The following ADAMTS18 variants were observed in gnomAD, a reference collection of about 807,000 sequenced individuals.
ADAMTS18 encodes ADAM metallopeptidase with thrombospondin type 1 motif 18, also known as A disintegrin and metalloproteinase with thrombospondin motifs 18.
ADAMTS18 carries 157 observed loss-of-function variants against 165.9 expected under a neutral mutation model. The ratio of observed to expected loss-of-function variants is 0.95; its 90% CI spans 0.83 to 1.08. The LOEUF is 1.08. Ranked by LOEUF, ADAMTS18 falls within the 50% of genes least tolerant of loss-of-function variation. ADAMTS18 has a pLI of 0.00. For missense variants in ADAMTS18, 2,040 were observed against 1,534.0 expected, an observed-to-expected ratio of 1.33 and a Z score of -5.51; for synonymous variants, 782 against 578.2, an observed-to-expected ratio of 1.35 and a Z score of -5.06.
At chr16:77,398,658 A>C (rs1175834560) in intron 3 of ADAMTS18, among the ~76,000 whole-genome samples, 1 of 152,138 alleles carries the variant, frequency 6.6e-6, no homozygotes, top group Non-Finnish European at 1.5e-5. Flanking sequence ...CTGTCAGTGC[A>C]TTCATTACAG....
chr16:77,367,678 A>G lies in ADAMTS18; in HGVS notation c.541T>C (p.Leu181=), dbSNP rs1298497415. ...TRKNEFLISP[L]PQLLAQEHNY... ...TGTTCCTGGGCCAGAAGCTGAGGTA[A>G]TGGCGAGATGAGGAATTCATTTTTT... The change falls in exon 4 of 23, where the codon TTA becomes CTA. Residue 181 remains leucine, a synonymous_variant. Coordinates refer to ENST00000282849, the MANE Select transcript of ADAMTS18 (RefSeq NM_199355.4). 3 of 1,614,184 alleles carry G rather than the reference A, an allele frequency of 1.9e-6. No individual in the cohort carries two copies. The highest frequency in any genetic ancestry group is 2.2e-5 in the East Asian group (1 of 44,876).
intron 17 of ADAMTS18, among the ~76,000 whole-genome samples, chr16:77,299,789 C>G (rs2055545670): frequency 6.6e-6 from 1 of 152,188 alleles, no homozygotes; most frequent in South Asian, 2.1e-4. Flanking sequence ...AGAACCTTTG[C>G]TGACCTTACC....
At chr16:77,355,523 G>A (rs1421342358) in intron 9 of ADAMTS18, among the ~76,000 whole-genome samples, 1 of 152,108 alleles carries the variant, frequency 6.6e-6, no homozygotes, top group Non-Finnish European at 1.5e-5. Flanking sequence ...ATTAGTCACA[G>A]TAAAAAGACA....
At chr16:77,395,510 C>A (rs998700105) in intron 3 of ADAMTS18, among the ~76,000 whole-genome samples, 2 of 152,214 alleles carry the variant, frequency 1.3e-5, no homozygotes, top group African/African-American at 2.4e-5. Context: ...CACCTCTCAA[C>A]TGAATCACCT....
chr16:77,373,450 C>T (rs1182770405), intron 3 of ADAMTS18, among the ~76,000 whole-genome samples: 1 of 148,150 alleles, frequency 6.7e-6, no homozygotes, highest in Non-Finnish European at 1.5e-5. Context: ...CAGGGCAAGA[C>T]CCTGCCTCAA....
intron 3 of ADAMTS18, among the ~76,000 whole-genome samples, chr16:77,398,548 G>T (rs1168507486): frequency 3.3e-5 from 5 of 152,120 alleles, no homozygotes; most frequent in Admixed American, 2.6e-4. Flanking sequence ...GATAACTTTG[G>T]TAACGACCAT....
intron 3 of ADAMTS18, among the ~76,000 whole-genome samples, chr16:77,369,232 C>T (rs959557187): frequency 2.0e-5 from 3 of 152,082 alleles, no homozygotes; most frequent in African/African-American, 7.2e-5. Context: ...TTATTTTAAT[C>T]TTTTTTTCAT....
Position 77,322,339 on chromosome 16 carries a change from A to C in ADAMTS18, c.2160T>G (p.Cys720Trp), listed in dbSNP as rs2056015779. ...CAAAGCAGAAACGTTCTCTTACTTC[A>C]CAAACCCCGTCAATACAAACATCAT... Reference protein sequence around the residue: ...NKNDVCIDGVCELVGCDHELG... With the variant: ...NKNDVCIDGVWELVGCDHELG... The change falls in exon 14 of 23, where the codon TGT becomes TGG. Residue 720 changes from cysteine to tryptophan, a missense_variant. Coordinates refer to ENST00000282849, the MANE Select transcript of ADAMTS18 (RefSeq NM_199355.4). 6.2e-7 allele frequency: 1 copy of C among 1,613,836 alleles called. No homozygotes were observed. The highest frequency in any genetic ancestry group is 8.5e-7 in the Non-Finnish European group (1 of 1,179,932).
chr16:77,398,678 C>T (rs2057289781), intron 3 of ADAMTS18, among the ~76,000 whole-genome samples: 1 of 152,114 alleles, frequency 6.6e-6, no homozygotes, highest in East Asian at 1.9e-4. Flanking sequence ...GGAAGTTTAG[C>T]AGCATTCCTG....
chr16:77,397,280 T>C (rs1314617266), intron 3 of ADAMTS18, among the ~76,000 whole-genome samples: 1 of 152,214 alleles, frequency 6.6e-6, no homozygotes, highest in Non-Finnish European at 1.5e-5. Context: ...TGAAATACAC[T>C]GTATACAAAA....
At chr16:77,325,731 C>A (rs2056082788) in intron 13 of ADAMTS18, 135 bp downstream of exon 13, 1 of 870,916 alleles carries the variant, frequency 1.1e-6, no homozygotes, top group Non-Finnish European at 1.7e-6. Context: ...GAATGAAACA[C>A]TGAGCCAGGA....
intron 10 of ADAMTS18, among the ~76,000 whole-genome samples, chr16:77,347,872 G>C (rs1057025980): frequency 3.9e-5 from 6 of 152,074 alleles, no homozygotes; most frequent in African/African-American, 1.4e-4. Context: ...ATAAAGCTTA[G>C]TAAAACATTT....
At chr16:77,432,687 T>G (rs756157636) in intron 2 of ADAMTS18, among the ~76,000 whole-genome samples, 14 of 152,086 alleles carry the variant, frequency 9.2e-5, no homozygotes, top group Non-Finnish European at 1.9e-4. Context: ...TTTGAGTCAC[T>G]TGGGTCCCCA....
At chr16:77,341,558 T>C (rs934818792) in intron 11 of ADAMTS18, 146 bp downstream of exon 11, 31 of 708,930 alleles carry the variant, frequency 4.4e-5, no homozygotes, top group Non-Finnish European at 5.0e-5. Flanking sequence ...AGCTTTGTAA[T>C]TGCTGCTATA....
chr16:77,284,088 T>A lies in ADAMTS18; in HGVS notation c.3551-17A>T, dbSNP rs76643293. 22,348 of 1,549,898 alleles carry A rather than the reference T, an allele frequency of 0.014. 211 individuals are homozygous for A. The highest frequency in any genetic ancestry group is 0.028 in the Middle Eastern group (165 of 5,922). ...ATGGATCCTCTAAAATAAGAAAATA[T>A]ATTTAGCATGTTGGCTAGGGTGTCT... On this transcript the variant is annotated splice_polypyrimidine_tract_variant and intron_variant, in intron 22 of 22. Coordinates refer to ENST00000282849, the MANE Select transcript of ADAMTS18 (RefSeq NM_199355.4).
chr16:77,426,884 C>T (rs568651366), intron 3 of ADAMTS18, among the ~76,000 whole-genome samples: 3 of 152,038 alleles, frequency 2.0e-5, no homozygotes, highest in African/African-American at 4.8e-5. Context: ...TGTGGTGGTA[C>T]GTGCCTGTAG....
intron 3 of ADAMTS18, among the ~76,000 whole-genome samples, chr16:77,423,241 A>T (rs1301798493): frequency 6.6e-6 from 1 of 152,232 alleles, no homozygotes; most frequent in Non-Finnish European, 1.5e-5. Flanking sequence ...CAATGGCTCC[A>T]GTGTTAATAG....
intron 3 of ADAMTS18, among the ~76,000 whole-genome samples, chr16:77,383,653 C>G (rs1311035672): frequency 6.6e-6 from 1 of 152,118 alleles, no homozygotes; most frequent in Non-Finnish European, 1.5e-5. Context: ...AAGCAATTAT[C>G]TGCCTCAGCC....
intron 3 of ADAMTS18, among the ~76,000 whole-genome samples, chr16:77,369,985 A>G (rs968393326): frequency 1.3e-4 from 20 of 152,248 alleles, no homozygotes; most frequent in Admixed American, 4.6e-4. Context: ...AACGAAAAAC[A>G]TAATTTTAAT....
Sources: allele counts gnomAD v4.1 joint callset (sites outside exome capture counted in the v4.1 genomes callset), GRCh38; gene constraint gnomAD v4.1.1; transcripts MANE v1.5; gene names NCBI Gene and HGNC (gene_info 2026-07-23, HGNC 2026-07-21).